TNFRSF19: variants seen among roughly 807,000 people sequenced by gnomAD.
TNFRSF19 encodes the protein tumor necrosis factor receptor superfamily member 19.
In TNFRSF19, 27 loss-of-function variants were observed where a neutral mutation model predicts 46.4. The observed-to-expected ratio is 0.58, with a 90% CI of 0.43 to 0.80. The LOEUF is 0.80. Ranked by LOEUF, TNFRSF19 falls within the 30% of genes least tolerant of loss-of-function variation. The pLI is 0.00. For missense variants in TNFRSF19, 511 were observed against 530.8 expected (o/e 0.96, Z 0.37); for synonymous variants, 204 against 205.0 (o/e 1.00, Z 0.04).
intron 3 of TNFRSF19, among the ~76,000 whole-genome samples, chr13:23,599,177 A>C (rs1285036935): frequency 6.6e-6 from 1 of 152,230 alleles, no homozygotes; most frequent in Non-Finnish European, 1.5e-5. Context: ...ACCCCTGTTG[A>C]TTACAGTAAC....
At chr13:23,614,809 G>T (rs1881160106) in intron 3 of TNFRSF19, among the ~76,000 whole-genome samples, 1 of 148,988 alleles carries the variant, frequency 6.7e-6, no homozygotes, top group Non-Finnish European at 1.5e-5. Context: ...TATGAAGCCT[G>T]ACTCTGGAAT....
At chr13:23,577,017 C>T (rs7994077) in intron 1 of TNFRSF19, among the ~76,000 whole-genome samples, 99,333 of 152,108 alleles carry the variant, frequency 0.65, 33,195 homozygotes, top group African/African-American at 0.78. Context: ...TTAGTAAGTG[C>T]TAGGCATTGG....
In TNFRSF19 at chr13:23,659,257, G is replaced by T; in HGVS notation, c.610+43G>T. ...TACATTTCTTAGCATTTAGGGGAAG[G>T]GCATTTATTACTATTGTCGTGCAAG... On this transcript the variant is annotated intron_variant, in intron 6 of 9. Coordinates refer to ENST00000248484, the MANE Select transcript of TNFRSF19 (RefSeq NM_148957.4). The surrounding 1 kb of genome is among the most constrained non-coding windows in gnomAD (Gnocchi z 4.9). 6.4e-7 allele frequency: 1 copy of T among 1,567,232 alleles called. No individual in the cohort carries two copies.
Position 23,659,589 on chromosome 13 carries a change from C to T in TNFRSF19, c.610+375C>T, listed in dbSNP as rs1666258146. ...TGGCGTGACTTCAGCTCATGGCAAC[C>T]TCTGCCTCCCGGATTCAAGTGATTC... On this transcript the variant is annotated intron_variant, in intron 6 of 9. Coordinates refer to ENST00000248484, the MANE Select transcript of TNFRSF19 (RefSeq NM_148957.4). This position sits in a 1 kb window ranked among gnomAD's most constrained non-coding sequence, Gnocchi z 4.9. Among the ~76,000 whole-genome samples, 1 of 152,164 alleles carries T rather than the reference C, an allele frequency of 6.6e-6. No homozygotes were observed. The highest frequency in any genetic ancestry group is 2.1e-4 in the South Asian group (1 of 4,830).
chr13:23,617,258 A>G (rs1398524387), intron 4 of TNFRSF19, among the ~76,000 whole-genome samples: 2 of 152,098 alleles, frequency 1.3e-5, no homozygotes, highest in African/African-American at 2.4e-5. Flanking sequence ...AGTTACAGAG[A>G]GCAGAGGAAG....
intron 4 of TNFRSF19, among the ~76,000 whole-genome samples, chr13:23,622,017 T>C (rs1044869983): frequency 6.6e-6 from 1 of 151,950 alleles, no homozygotes; most frequent in Non-Finnish European, 1.5e-5. Context: ...CAGAGCTAGG[T>C]CTGAGCATCA....
rs1251810798 is a variant in TNFRSF19 at position 23,674,505 on chromosome 13, A to G, written c.*1125A>G. On this transcript the variant is annotated 3_prime_UTR_variant, in exon 10 of 10. Coordinates refer to ENST00000248484, the MANE Select transcript of TNFRSF19 (RefSeq NM_148957.4). Reference sequence around the variant, plus strand: ...TAGCACATCATCTCCTACTTTAGCCATCCGGTGTTGGATTTAAGAGGACGG... The same window carrying G: ...TAGCACATCATCTCCTACTTTAGCCGTCCGGTGTTGGATTTAAGAGGACGG... 8 of 152,330 alleles carry G rather than the reference A, an allele frequency of 5.3e-5. No homozygotes were observed. In the East Asian group the frequency reaches 1.4e-3, roughly 26 times the overall value. The allele number at this position is 152,330 out of a possible 1,614,324, so 9.4% of individuals were successfully genotyped here.
At chr13:23,662,632 TA>T (rs1884442652) in intron 7 of TNFRSF19, among the ~76,000 whole-genome samples, 1 of 152,272 alleles carries the variant, frequency 6.6e-6, no homozygotes, top group African/African-American at 2.4e-5. Context: ...ATGGCCACTT[TA>T]ATGAAATTGA....
Position 23,655,213 on chromosome 13 carries a change from C to T in TNFRSF19, c.446-3837C>T, listed in dbSNP as rs900874895. Among the ~76,000 whole-genome samples, 8 of 152,112 alleles carry T rather than the reference C, an allele frequency of 5.3e-5. No individual in the cohort carries two copies. In the East Asian group the frequency reaches 7.7e-4, roughly 15 times the overall value. ...ACTTTTTTAATGCCTTGTAGGATGT[C>T]GTACTCGTAATAGACACTCAGGACA... On this transcript the variant is annotated intron_variant, in intron 5 of 9. Transcript: ENST00000248484.
intron 9 of TNFRSF19, among the ~76,000 whole-genome samples, chr13:23,671,224 C>G (rs1053605674): frequency 2.0e-5 from 3 of 152,130 alleles, no homozygotes; most frequent in Non-Finnish European, 2.9e-5. Context: ...TATACACTTT[C>G]AACTCAAATC....
intron 1 of TNFRSF19, among the ~76,000 whole-genome samples, chr13:23,581,740 C>CT: frequency 6.6e-6 from 1 of 152,268 alleles, no homozygotes; most frequent in East Asian, 1.9e-4. Flanking sequence ...ATTTGAGTCT[C>CT]TTTTTTCACC....
At chr13:23,668,296 A>G (rs1951684370) in intron 8 of TNFRSF19, among the ~76,000 whole-genome samples, 1 of 152,162 alleles carries the variant, frequency 6.6e-6, no homozygotes, top group African/African-American at 2.4e-5. Flanking sequence ...TTTACTCTTC[A>G]TTAATTTTAT....
At position 23,638,731 on chromosome 13, in the gene TNFRSF19, T is replaced by G. The variant is rs1025925255; in HGVS notation, c.445+11939T>G. Among the ~76,000 whole-genome samples the G allele has an allele frequency of 4.6e-5, 7 of 152,160 alleles. No individual in the cohort carries two copies. The East Asian group carries it at 1.4e-3, about 29-fold the overall frequency. On this transcript the variant is annotated intron_variant, in intron 5 of 9. Coordinates refer to ENST00000248484, the MANE Select transcript of TNFRSF19 (RefSeq NM_148957.4). ...GGTCCCTGGTTTGCTTCAGGATCCC[T>G]CTTACTGCCTTAGTTTCTCTCCCTC...
At chr13:23,662,328 G>A (rs554705103) in intron 7 of TNFRSF19, among the ~76,000 whole-genome samples, 2 of 152,120 alleles carry the variant, frequency 1.3e-5, no homozygotes, top group Admixed American at 6.5e-5. Flanking sequence ...TGAAGATCAG[G>A]TAGTTGTACA....
intron 7 of TNFRSF19, among the ~76,000 whole-genome samples, chr13:23,661,672 AT>A: frequency 6.6e-6 from 1 of 152,206 alleles, no homozygotes; most frequent in Non-Finnish European, 1.5e-5. Flanking sequence ...GTGTGTAAGC[AT>A]TCCCTTTACT....
chr13:23,588,929 G>A (rs1375834267), intron 1 of TNFRSF19, among the ~76,000 whole-genome samples: 1 of 152,236 alleles, frequency 6.6e-6, no homozygotes, highest in Non-Finnish European at 1.5e-5. Context: ...CAGTGGACGT[G>A]GTTCATCTGG....
At chr13:23,635,373 T>G (rs1043192439) in intron 5 of TNFRSF19, among the ~76,000 whole-genome samples, 4 of 152,182 alleles carry the variant, frequency 2.6e-5, no homozygotes, top group Non-Finnish European at 4.4e-5. Context: ...TATCCCACTT[T>G]GGGTTTTTAA....
intron 3 of TNFRSF19, among the ~76,000 whole-genome samples, chr13:23,594,799 C>T (rs1879589573): frequency 6.6e-6 from 1 of 151,382 alleles, no homozygotes; most frequent in African/African-American, 2.5e-5. Context: ...GGGTCGCTGA[C>T]CCCCCAGCCT....
chr13:23,597,050 G>A lies in TNFRSF19; in HGVS notation c.180+3595G>A, dbSNP rs533735989. Among the ~76,000 whole-genome samples, 74 of 152,260 alleles carry A rather than the reference G, an allele frequency of 4.9e-4. 1 individual carries two copies. Among genetic ancestry groups the A allele is most frequent in the African/African-American group, 1.7e-3 (69 of 41,554 alleles). On this transcript the variant is annotated intron_variant, in intron 3 of 9. Coordinates refer to ENST00000248484, the MANE Select transcript of TNFRSF19 (RefSeq NM_148957.4). Reference sequence around the variant, plus strand: ...TAAATAAGTTATTTGAAACCAAAGAGAACAAAGACACAATGTACCAGAATC... The same window carrying A: ...TAAATAAGTTATTTGAAACCAAAGAAAACAAAGACACAATGTACCAGAATC...
Sources: gnomAD v4.1 joint callset for allele counts (sites outside exome capture counted in the v4.1 genomes callset) on GRCh38, gnomAD v4.1.1 for gene constraint, Gnocchi (gnomAD v3.1) non-coding constraint, MANE v1.5 for transcripts, NCBI Gene and HGNC (gene_info 2026-07-23, HGNC 2026-07-21) for gene names.